Variants in EPC1 observed in about 807,000 individuals in gnomAD.
The protein encoded by EPC1 is enhancer of polycomb 1.
In EPC1, 12 loss-of-function variants were observed where a neutral mutation model predicts 98.4. The ratio of observed to expected loss-of-function variants is 0.12; its 90% CI spans 0.08 to 0.20. The LOEUF (loss-of-function observed/expected upper bound fraction) is 0.20, where lower values mean the gene tolerates loss of function less well. Among genes scored for constraint, EPC1 ranks in the 10% least tolerant of loss-of-function variants. The pLI is 1.00. For missense variants in EPC1, 729 were observed against 990.5 expected, an observed-to-expected ratio of 0.74 and a Z score of 3.54; for synonymous variants, 357 against 363.9, an observed-to-expected ratio of 0.98 and a Z score of 0.21.
At chr10:32,329,613 C>G (rs1426082470) in intron 1 of EPC1, among the ~76,000 whole-genome samples, 7 of 152,118 alleles carry the variant, frequency 4.6e-5, no homozygotes, top group East Asian at 1.9e-4. Context: ...CTTCATATAA[C>G]TCTAAATTAC....
chr10:32,326,768 G>A (rs16933251), intron 1 of EPC1, among the ~76,000 whole-genome samples: 7,629 of 151,948 alleles, frequency 0.05, 606 homozygotes, highest in African/African-American at 0.17. Context: ...TAAAAAAACT[G>A]GACATTTCCT....
chr10:32,311,557 C>G (rs1228520234), intron 1 of EPC1, among the ~76,000 whole-genome samples: 1 of 151,828 alleles, frequency 6.6e-6, no homozygotes, highest in Non-Finnish European at 1.5e-5. Context: ...CCTTCCTCAA[C>G]AGCTGAAATA....
At chr10:32,276,640 T>A (rs554317815) in intron 10 of EPC1, among the ~76,000 whole-genome samples, 232 of 152,310 alleles carry the variant, frequency 1.5e-3, no homozygotes, top group African/African-American at 5.2e-3. Context: ...CTAAAGAAGG[T>A]CCCAGTGTGA....
At chr10:32,372,849 C>T (rs906210431) in intron 1 of EPC1, among the ~76,000 whole-genome samples, 2 of 152,112 alleles carry the variant, frequency 1.3e-5, no homozygotes. Context: ...GGCAAAATCC[C>T]ATCTCTACTA....
intron 13 of EPC1, 35 bp from the exon 14 acceptor site, chr10:32,269,170 C>A: frequency 6.4e-7 from 1 of 1,557,248 alleles, no homozygotes; most frequent in Non-Finnish European, 8.8e-7. Flanking sequence ...TACTTATCTA[C>A]AACATAAATA....
chr10:32,270,853 T>C (rs1255234909), intron 13 of EPC1, among the ~76,000 whole-genome samples: 2 of 121,890 alleles, frequency 1.6e-5, no homozygotes, highest in African/African-American at 6.1e-5. Context: ...AAAAAAAGAA[T>C]AGCTTAGCAT....
intron 1 of EPC1, among the ~76,000 whole-genome samples, chr10:32,363,271 T>C (rs1008716962): frequency 2.1e-4 from 32 of 152,134 alleles, no homozygotes; most frequent in African/African-American, 7.7e-4. Flanking sequence ...GAAAATTTTG[T>C]ATTTTCACCA....
chr10:32,293,759 A>T, intron 2 of EPC1, 22 bp from the exon 3 acceptor site: 1 of 1,599,998 alleles, frequency 6.3e-7, no homozygotes, highest in Non-Finnish European at 8.5e-7. Context: ...AACCATATGC[A>T]ATCATTTACT....
intron 1 of EPC1, among the ~76,000 whole-genome samples, chr10:32,328,481 T>G (rs1470321335): frequency 6.6e-6 from 1 of 152,234 alleles, no homozygotes; most frequent in Non-Finnish European, 1.5e-5. Context: ...AAAGTATGCT[T>G]AAGTCTCCAA....
chr10:32,367,764 C>T (rs991026179), intron 1 of EPC1, among the ~76,000 whole-genome samples: 6 of 152,178 alleles, frequency 3.9e-5, no homozygotes, highest in Non-Finnish European at 8.8e-5. Context: ...AAGCAGACAA[C>T]TGCCTGTTTC....
chr10:32,283,451 G>A (rs1249313517), intron 10 of EPC1: 1 of 152,126 alleles, frequency 6.6e-6, no homozygotes, highest in Non-Finnish European at 1.5e-5. Context: ...TGAGACTACA[G>A]GCGCTCACCA....
At chr10:32,282,804 A>G (rs1969883882) in intron 10 of EPC1, 1 of 152,212 alleles carries the variant, frequency 6.6e-6, no homozygotes, top group South Asian at 2.1e-4. Context: ...GAAGATGGAG[A>G]TTGATGGAAC....
At chr10:32,301,043 TATCTATCTATCTATCTATC>T (rs1835497102) in intron 2 of EPC1, among the ~76,000 whole-genome samples, 4 of 103,020 alleles carry the variant, frequency 3.9e-5, no homozygotes, top group African/African-American at 1.2e-4. Flanking sequence ...CATTTATATC[TATCTATCTATCTATCTATC>T]TATCTATCTA....
chr10:32,329,479 G>C (rs1837507921), intron 1 of EPC1, among the ~76,000 whole-genome samples: 1 of 152,190 alleles, frequency 6.6e-6, no homozygotes. Flanking sequence ...TCAAGTAAGA[G>C]GCAAGCACAC....
chr10:32,322,482 A>C (rs1388537221), intron 1 of EPC1, among the ~76,000 whole-genome samples: 2 of 152,224 alleles, frequency 1.3e-5, no homozygotes, highest in Non-Finnish European at 2.9e-5. Flanking sequence ...GTGATGAACT[A>C]AATAGGTTGA....
rs780424826 is a variant in EPC1, at chr10:32,287,318, C to G, written c.976-44G>C. The G allele has an allele frequency of 3.1e-6, 5 of 1,598,806 alleles. No homozygotes were observed. In the South Asian group the frequency reaches 4.4e-5, roughly 14 times the overall value. ...TTAATTATACACCAGAAACCATGTT[C>G]AACAAATTTGCAGTTTTGGGGGAAA... is the stretch of plus-strand genomic sequence containing the variant. On this transcript the variant is annotated intron_variant, in intron 6 of 13. Transcript: ENST00000319778.
At chr10:32,307,764 C>T (rs1835959329) in intron 1 of EPC1, among the ~76,000 whole-genome samples, 2 of 152,162 alleles carry the variant, frequency 1.3e-5, no homozygotes, top group African/African-American at 2.4e-5. Context: ...CAGTTACATG[C>T]GTGCTCTTGA....
intron 6 of EPC1, 52 bp from the exon 7 acceptor site, chr10:32,287,326 T>G (rs768989551): frequency 1.3e-6 from 2 of 1,594,670 alleles, no homozygotes; most frequent in Non-Finnish European, 1.7e-6. Context: ...TTCAACAAAT[T>G]TGCAGTTTTG....
At chr10:32,301,299 A>G (rs1307177596) in intron 2 of EPC1, among the ~76,000 whole-genome samples, 1 of 152,236 alleles carries the variant, frequency 6.6e-6, no homozygotes, top group Non-Finnish European at 1.5e-5. Context: ...GAATACTTCA[A>G]GTGTCAAACA....
Sources: gnomAD v4.1 joint callset for allele counts (sites outside exome capture counted in the v4.1 genomes callset) on GRCh38, gnomAD v4.1.1 for gene constraint, MANE v1.5 for transcripts, NCBI Gene and HGNC (gene_info 2026-07-23, HGNC 2026-07-21) for gene names.